The following RILPL2 variants were observed in gnomAD, a reference collection of about 807,000 sequenced individuals.
RILPL2 encodes RILP-like protein 2.
Under a neutral mutation model 22.2 loss-of-function variants are expected in RILPL2, and 19 were observed. The ratio of observed to expected loss-of-function variants is 0.86; its 90% confidence interval spans 0.60 to 1.25. The LOEUF is 1.25. Among genes scored for constraint, RILPL2 ranks in the 50% most tolerant of loss-of-function variants. RILPL2 has a pLI of 0.00. For synonymous variants in RILPL2, 123 were observed against 111.6 expected (o/e 1.10, Z -0.64); for missense variants, 243 against 263.6 (o/e 0.92, Z 0.54).
At chr12:123,432,802 G>A (rs1055637786) in intron 1 of RILPL2, among the ~76,000 whole-genome samples, 2 of 152,096 alleles carry the variant, frequency 1.3e-5, no homozygotes, top group African/African-American at 4.8e-5. Flanking sequence ...GCAATCCCCC[G>A]CAAGTCAGTT....
chr12:123,430,371 T>G lies in RILPL2; in HGVS notation c.491+137A>C. On this transcript the variant is annotated intron_variant, in intron 2 of 3. Coordinates refer to ENST00000280571, the MANE Select transcript of RILPL2 (RefSeq NM_145058.3). ...TTGCAGTGAGCCGAGATCGCGCCACTGCACTCCAGCCTGGGCGACAGAGCG... is the reference window on the plus strand; with the variant it reads ...TTGCAGTGAGCCGAGATCGCGCCACGGCACTCCAGCCTGGGCGACAGAGCG... The G allele has an allele frequency of 5.5e-6, 4 of 733,838 alleles. No individual in the cohort carries two copies. The South Asian group carries it at 7.2e-5, about 13-fold the overall frequency. 45.5% of individuals were successfully genotyped at this position (733,838 alleles called of 1,614,324 possible). A position where few individuals can be genotyped will look rare whatever the true frequency, so the allele number is the denominator to read the frequency against.
intron 3 of RILPL2, among the ~76,000 whole-genome samples, chr12:123,418,229 C>T (rs1367572198): frequency 1.3e-5 from 2 of 152,208 alleles, no homozygotes; most frequent in East Asian, 1.9e-4. Flanking sequence ...AGCCACTGCT[C>T]CTGTCCTGGA....
At chr12:123,423,779 G>A (rs1429061853) in intron 2 of RILPL2, among the ~76,000 whole-genome samples, 5 of 151,144 alleles carry the variant, frequency 3.3e-5, no homozygotes, top group Non-Finnish European at 7.4e-5. Flanking sequence ...TCAGCCCCCC[G>A]AGTAGCTGGG....
intron 3 of RILPL2, among the ~76,000 whole-genome samples, chr12:123,421,496 A>G (rs1189569782): frequency 6.6e-6 from 1 of 151,962 alleles, no homozygotes; most frequent in Non-Finnish European, 1.5e-5. Flanking sequence ...CTGCCCCCAG[A>G]GGAAGAACCA....
intron 1 of RILPL2, among the ~76,000 whole-genome samples, chr12:123,433,796 GT>G (rs1190895722): frequency 3.3e-5 from 5 of 152,140 alleles, no homozygotes; most frequent in South Asian, 4.1e-4. Context: ...CAGGGACCTT[GT>G]CTACGTTATC....
chr12:123,427,761 T>A (rs544916307), intron 2 of RILPL2, among the ~76,000 whole-genome samples: 1 of 152,172 alleles, frequency 6.6e-6, no homozygotes, highest in East Asian at 1.9e-4. Context: ...CCCAGGCTGA[T>A]CTCAAACTCC....
Position 123,436,063 on chromosome 12 carries a change from C to G in RILPL2, c.339+19G>C, listed in dbSNP as rs1467730012. 1 of 1,556,286 alleles carries G rather than the reference C, an allele frequency of 6.4e-7. No homozygotes were observed. Among genetic ancestry groups the G allele is most frequent in the Non-Finnish European group, 8.7e-7 (1 of 1,148,612 alleles). On this transcript the variant is annotated intron_variant, in intron 1 of 3. Transcript: ENST00000280571. The surrounding 1 kb of genome is among the most constrained non-coding windows in gnomAD (Gnocchi z 6.7). ...CCCCGCAGGCGCCGTGGGCCCGGAA[C>G]CCTCGCTCCCACACTCACCTCCCCG...
At chr12:123,412,772 CTAT>C (rs1239282565), downstream of RILPL2, 5 of 152,214 alleles carry the variant, frequency 3.3e-5, no homozygotes, top group Non-Finnish European at 7.3e-5. Flanking sequence ...TAAATTATTA[CTAT>C]TATTAGGACT....
chr12:123,428,560 T>C (rs1879508874), intron 2 of RILPL2, among the ~76,000 whole-genome samples: 1 of 152,216 alleles, frequency 6.6e-6, no homozygotes, highest in African/African-American at 2.4e-5. Context: ...TGAAAGATGC[T>C]ACATTTAAGG....
intron 2 of RILPL2, among the ~76,000 whole-genome samples, chr12:123,425,803 C>T (rs1188486411): frequency 6.6e-6 from 1 of 151,842 alleles, no homozygotes; most frequent in African/African-American, 2.4e-5. Flanking sequence ...GTGCACGCCA[C>T]CATGCCTGGC....
At chr12:123,421,398 CT>C (rs1879278450) in intron 3 of RILPL2, among the ~76,000 whole-genome samples, 1 of 152,102 alleles carries the variant, frequency 6.6e-6, no homozygotes, top group African/African-American at 2.4e-5. Flanking sequence ...CCTACTTCAT[CT>C]CATCAAATTA....
At chr12:123,426,330 G>C (rs1015753289) in intron 2 of RILPL2, among the ~76,000 whole-genome samples, 3 of 151,774 alleles carry the variant, frequency 2.0e-5, no homozygotes, top group African/African-American at 7.3e-5. Flanking sequence ...TGTATTTTTA[G>C]TATTGACGGA....
intron 2 of RILPL2, among the ~76,000 whole-genome samples, chr12:123,429,048 C>T (rs1341608865): frequency 6.6e-6 from 1 of 152,128 alleles, no homozygotes; most frequent in Non-Finnish European, 1.5e-5. Context: ...GAAATAGCTA[C>T]GAGTCTCAAC....
intron 3 of RILPL2, among the ~76,000 whole-genome samples, chr12:123,420,027 T>C (rs1026089892): frequency 8.4e-5 from 12 of 143,140 alleles, no homozygotes; most frequent in Non-Finnish European, 1.5e-4. Flanking sequence ...GGTTTCTTTT[T>C]TTTTTTTTTT....
At chr12:123,417,671 G>A (rs1274125738) in intron 3 of RILPL2, among the ~76,000 whole-genome samples, 1 of 152,064 alleles carries the variant, frequency 6.6e-6, no homozygotes, top group African/African-American at 2.4e-5. Context: ...GGCAACCTCC[G>A]CCTACCAGAG....
At chr12:123,412,583 T>C (rs1194665107), downstream of RILPL2, 1 of 152,196 alleles carries the variant, frequency 6.6e-6, no homozygotes, top group Non-Finnish European at 1.5e-5. Context: ...GTGGACTTTG[T>C]ATCTGGGCTC....
intron 2 of RILPL2, among the ~76,000 whole-genome samples, chr12:123,428,397 A>G (rs1879504169): frequency 6.6e-6 from 1 of 152,108 alleles, no homozygotes. Context: ...CGGCCTCCCA[A>G]AGTGCTGGGA....
intron 1 of RILPL2, among the ~76,000 whole-genome samples, chr12:123,434,099 A>G (rs775087196): frequency 2.6e-5 from 4 of 152,138 alleles, no homozygotes; most frequent in Non-Finnish European, 5.9e-5. Flanking sequence ...CTAGTAGGTC[A>G]TAAAATTAAT....
At chr12:123,433,966 T>C (rs970950935) in intron 1 of RILPL2, among the ~76,000 whole-genome samples, 2 of 152,190 alleles carry the variant, frequency 1.3e-5, no homozygotes, top group African/African-American at 4.8e-5. Flanking sequence ...AGTCCTTAGG[T>C]AAATTACTTA....
Sources: allele counts gnomAD v4.1 joint callset (sites outside exome capture counted in the v4.1 genomes callset), GRCh38; gene constraint gnomAD v4.1.1; non-coding constraint Gnocchi (gnomAD v3.1); transcripts MANE v1.5; gene names NCBI Gene and HGNC (gene_info 2026-07-23, HGNC 2026-07-21).